Variants in DPYS observed in about 807,000 individuals in gnomAD.
The protein encoded by DPYS is dihydropyrimidinase.
In DPYS, 39 loss-of-function variants were observed where a neutral mutation model predicts 50.3. That is an observed-to-expected ratio of 0.78 (90% CI 0.60 to 1.01). The LOEUF (loss-of-function observed/expected upper bound fraction) is 1.01. Among genes scored for constraint, DPYS ranks in the 50% least tolerant of loss-of-function variants. DPYS has a pLI of 0.00. For synonymous variants in DPYS, 245 were observed against 250.7 expected (o/e 0.98, Z 0.22); for missense variants, 659 against 680.9 (o/e 0.97, Z 0.36).
intron 7 of DPYS, among the ~76,000 whole-genome samples, chr8:104,414,518 T>A (rs1452152450): frequency 2.0e-5 from 3 of 152,032 alleles, no homozygotes; most frequent in Non-Finnish European, 4.4e-5. Context: ...AAATAGTAAA[T>A]CAACTTAAGT....
intron 8 of DPYS, 50 bp from the exon 9 acceptor site, chr8:104,381,364 A>G: frequency 6.5e-7 from 1 of 1,537,550 alleles, no homozygotes; most frequent in South Asian, 1.1e-5. Flanking sequence ...TCTTGAGTTC[A>G]AAGTTAAGTG....
At chr8:104,438,408 A>G (rs1260421835) in intron 4 of DPYS, among the ~76,000 whole-genome samples, 2 of 152,212 alleles carry the variant, frequency 1.3e-5, no homozygotes, top group Non-Finnish European at 2.9e-5. Flanking sequence ...TTTGCAAGAC[A>G]ATAATGGTCT....
At chr8:104,439,870 C>G (rs545395615) in intron 4 of DPYS, among the ~76,000 whole-genome samples, 1 of 152,286 alleles carries the variant, frequency 6.6e-6, no homozygotes, top group Non-Finnish European at 1.5e-5. Flanking sequence ...TCCTTTAACA[C>G]AGTGGAGAGT....
At chr8:104,459,678 A>G (rs2140767188) in intron 1 of DPYS, among the ~76,000 whole-genome samples, 1 of 152,282 alleles carries the variant, frequency 6.6e-6, no homozygotes, top group South Asian at 2.1e-4. Flanking sequence ...TAAGTCCCAA[A>G]TCTGCTATAA....
chr8:104,383,165 G>A (rs911371990), intron 8 of DPYS, among the ~76,000 whole-genome samples: 3 of 152,162 alleles, frequency 2.0e-5, no homozygotes, highest in Non-Finnish European at 2.9e-5. Flanking sequence ...CTGGGAGCAG[G>A]CACCACCCAG....
chr8:104,402,312 C>T (rs139046847), intron 7 of DPYS, among the ~76,000 whole-genome samples: 349 of 152,184 alleles, frequency 2.3e-3, no homozygotes, highest in Non-Finnish European at 4.0e-3. Context: ...TTGTTCTATA[C>T]GGTAGTTTTT....
intron 8 of DPYS, among the ~76,000 whole-genome samples, chr8:104,387,010 T>G (rs1811233117): frequency 6.6e-6 from 1 of 152,296 alleles, no homozygotes; most frequent in Admixed American, 6.5e-5. Context: ...TCATGGAGGC[T>G]AAGATACTAA....
chr8:104,384,308 T>C (rs999467989), intron 8 of DPYS, among the ~76,000 whole-genome samples: 2 of 152,356 alleles, frequency 1.3e-5, no homozygotes, highest in South Asian at 4.1e-4. Context: ...AGAATTGGGT[T>C]ACATAAGCTC....
At chr8:104,407,528 AC>A (rs35378953) in intron 7 of DPYS, among the ~76,000 whole-genome samples, 29,754 of 152,116 alleles carry the variant, frequency 0.2, 3,783 homozygotes, top group Non-Finnish European at 0.27. Flanking sequence ...TCTATACAAA[AC>A]CTTTACCCAA....
At position 104,467,003 on chromosome 8, in the gene DPYS, T is replaced by C; in HGVS notation, c.-83A>G. On this transcript the variant is annotated 5_prime_UTR_variant, in exon 1 of 10. Coordinates refer to ENST00000351513, the MANE Select transcript of DPYS (RefSeq NM_001385.3). ...CGGGCCGGGCGGGCTTGGGGTGCCC[T>C]CCTGCAAGGTCCCCACCGACAGCCC... The C allele has an allele frequency of 7.5e-7, 1 of 1,335,106 alleles. No homozygotes were observed. Among genetic ancestry groups the C allele is most frequent in the Non-Finnish European group, 9.6e-7 (1 of 1,042,746 alleles). The allele number at this position is 1,335,106 out of a possible 1,614,324, so 82.7% of individuals were successfully genotyped here.
intron 7 of DPYS, among the ~76,000 whole-genome samples, chr8:104,401,530 C>T (rs901386575): frequency 3.9e-5 from 6 of 152,090 alleles, no homozygotes; most frequent in Admixed American, 2.0e-4. Context: ...GGAAAGCATG[C>T]GGTTGATGAA....
Position 104,379,691 on chromosome 8 carries a change from A to G in DPYS, c.*167T>C. On this transcript the variant is annotated 3_prime_UTR_variant, in exon 10 of 10. Transcript: ENST00000351513. ...CAGCAACAAAAACACAGTGAGAAAG[A>G]CAGCAATTGCTTCTGAAAGAAAATC... 1 of 415,774 alleles carries G rather than the reference A, an allele frequency of 2.4e-6. No individual in the cohort carries two copies. The allele number at this position is 415,774 out of a possible 1,614,324, so 25.8% of individuals were successfully genotyped here.
chr8:104,394,658 T>G (rs368447917), intron 7 of DPYS, among the ~76,000 whole-genome samples: 1 of 151,814 alleles, frequency 6.6e-6, no homozygotes. Flanking sequence ...AATTGTCTTT[T>G]AAAAATGAAG....
At chr8:104,436,600 A>T (rs896233439) in intron 4 of DPYS, among the ~76,000 whole-genome samples, 47 of 152,250 alleles carry the variant, frequency 3.1e-4, no homozygotes, top group African/African-American at 1.1e-3. Context: ...ACTCCATCTA[A>T]AACAAAACAA....
chr8:104,449,834 C>T (rs1813670114), intron 2 of DPYS, among the ~76,000 whole-genome samples: 1 of 152,202 alleles, frequency 6.6e-6, no homozygotes. Context: ...AAGGAACCAA[C>T]CCTGCTGACA....
chr8:104,465,835 A>AG (rs1423064129), intron 1 of DPYS, among the ~76,000 whole-genome samples: 1 of 152,156 alleles, frequency 6.6e-6, no homozygotes, highest in Non-Finnish European at 1.5e-5. Flanking sequence ...TTGTATCTAG[A>AG]GAAACCCAAG....
At chr8:104,382,408 G>A (rs553380439) in intron 8 of DPYS, among the ~76,000 whole-genome samples, 1 of 152,078 alleles carries the variant, frequency 6.6e-6, no homozygotes, top group Non-Finnish European at 1.5e-5. Context: ...CTCATCTTGA[G>A]GAACACAGAC....
chr8:104,431,735 T>C (rs544679364), intron 4 of DPYS, among the ~76,000 whole-genome samples: 2 of 152,300 alleles, frequency 1.3e-5, no homozygotes, highest in Admixed American at 1.3e-4. Context: ...TCATTTGACC[T>C]TCATAGCCGC....
intron 4 of DPYS, among the ~76,000 whole-genome samples, chr8:104,437,087 A>G (rs1813178684): frequency 6.6e-6 from 1 of 152,230 alleles, no homozygotes; most frequent in African/African-American, 2.4e-5. Context: ...AGGTGAAAAT[A>G]GTTAAAAGAC....
Sources: gnomAD v4.1 joint callset for allele counts (sites outside exome capture counted in the v4.1 genomes callset) on GRCh38, gnomAD v4.1.1 for gene constraint, MANE v1.5 for transcripts, NCBI Gene and HGNC (gene_info 2026-07-23, HGNC 2026-07-21) for gene names.